B3GLCT: variants seen among roughly 807,000 people sequenced by gnomAD.
B3GLCT encodes the protein beta 3-glucosyltransferase, also known as beta-1,3-glucosyltransferase.
In B3GLCT, 65 loss-of-function variants were observed where a neutral mutation model predicts 63.4. The observed-to-expected ratio is 1.03, with a 90% CI of 0.84 to 1.26. The LOEUF is 1.26. Ranked by LOEUF, B3GLCT falls within the 50% of genes most tolerant of loss-of-function variation. The pLI, the probability that B3GLCT is intolerant of heterozygous loss-of-function variation, is 0.00. For missense variants in B3GLCT, 577 were observed against 604.8 expected, an observed-to-expected ratio of 0.95 and a Z score of 0.48; for synonymous variants, 233 against 219.2, an observed-to-expected ratio of 1.06 and a Z score of -0.55.
intron 4 of B3GLCT, among the ~76,000 whole-genome samples, chr13:31,235,158 A>G (rs1020160231): frequency 6.6e-6 from 1 of 152,064 alleles, no homozygotes; most frequent in Non-Finnish European, 1.5e-5. Flanking sequence ...AATGGCAGGG[A>G]CGCTTCCAGC....
At chr13:31,261,106 C>CG (rs759419599) in intron 7 of B3GLCT, 24 bp downstream of exon 7, 4 of 1,496,302 alleles carry the variant, frequency 2.7e-6, no homozygotes, top group Non-Finnish European at 3.6e-6. Context: ...GGAATTTTTT[C>CG]GGGGGGCGGG....
At chr13:31,280,836 G>A (rs1421578027) in intron 10 of B3GLCT, among the ~76,000 whole-genome samples, 1 of 152,188 alleles carries the variant, frequency 6.6e-6, no homozygotes, top group Non-Finnish European at 1.5e-5. Context: ...GCTCAAGGAA[G>A]TAATACATAT....
chr13:31,229,014 G>A (rs184624741), intron 3 of B3GLCT, among the ~76,000 whole-genome samples, 171 bp from the exon 4 acceptor site: 7 of 152,098 alleles, frequency 4.6e-5, no homozygotes, highest in Admixed American at 3.9e-4. Flanking sequence ...TTGGGAAACA[G>A]TTTAAAAAGA....
chr13:31,294,266 G>A (rs1010396231), intron 12 of B3GLCT, among the ~76,000 whole-genome samples: 2 of 152,114 alleles, frequency 1.3e-5, no homozygotes, highest in Admixed American at 1.3e-4. Context: ...TTCAACCTTG[G>A]TGAATCTGAC....
chr13:31,218,081 G>A (rs547590364), intron 2 of B3GLCT, among the ~76,000 whole-genome samples: 1 of 150,146 alleles, frequency 6.7e-6, no homozygotes, highest in East Asian at 2.0e-4. Flanking sequence ...TTTTCCATTT[G>A]TTTTGTTGTC....
At chr13:31,324,023 G>C (rs1875478776) in intron 14 of B3GLCT, 128 bp downstream of exon 14, 1 of 1,211,620 alleles carries the variant, frequency 8.3e-7, no homozygotes, top group Non-Finnish European at 1.2e-6. Context: ...AGGCTCCAGG[G>C]GAATGTCCTT....
In B3GLCT at chr13:31,295,209, G is replaced by A. The variant is rs114471060; in HGVS notation, c.1064+8390G>A. On this transcript the variant is annotated intron_variant, in intron 12 of 14. Transcript: ENST00000343307. ...GAAGCTTTGTCCCAGACGGGCACGC[G>A]CCAGATGTCAGCTGGAGCTCTGCTG... 6.2e-3 allele frequency among the ~76,000 whole-genome samples: 938 copies of A among 152,226 alleles called. 12 individuals carry two copies. Among genetic ancestry groups the A allele is most frequent in the African/African-American group, 0.022 (894 of 41,548 alleles).
chr13:31,229,889 CTG>C (rs1355210339), intron 4 of B3GLCT, among the ~76,000 whole-genome samples: 2 of 149,996 alleles, frequency 1.3e-5, no homozygotes, highest in African/African-American at 4.9e-5. Flanking sequence ...TGTGGGGCAA[CTG>C]TAGATTTGTC....
At chr13:31,315,001 T>A (rs1338137406) in intron 12 of B3GLCT, among the ~76,000 whole-genome samples, 2 of 152,278 alleles carry the variant, frequency 1.3e-5, no homozygotes, top group Admixed American at 6.5e-5. Flanking sequence ...GCTGCCACCA[T>A]GTAAGAAATG....
At chr13:31,295,156 C>T (rs1405364972) in intron 12 of B3GLCT, among the ~76,000 whole-genome samples, 1 of 152,232 alleles carries the variant, frequency 6.6e-6, no homozygotes, top group Non-Finnish European at 1.5e-5. Flanking sequence ...TGCAGAACAG[C>T]AAAGATTGCT....
intron 1 of B3GLCT, among the ~76,000 whole-genome samples, chr13:31,212,536 G>A (rs1244315784): frequency 1.3e-5 from 2 of 152,094 alleles, no homozygotes; most frequent in East Asian, 3.9e-4. Flanking sequence ...GCCTCCCAAA[G>A]TGCTGGGATT....
intron 4 of B3GLCT, among the ~76,000 whole-genome samples, chr13:31,236,641 G>A (rs745458369): frequency 5.3e-5 from 8 of 152,218 alleles, no homozygotes; most frequent in Non-Finnish European, 1.2e-4. Flanking sequence ...TTGGTCACAA[G>A]ATCCATAGTG....
At chr13:31,223,891 A>T (rs1173731783) in intron 3 of B3GLCT, among the ~76,000 whole-genome samples, 2 of 152,154 alleles carry the variant, frequency 1.3e-5, no homozygotes, top group African/African-American at 2.4e-5. Context: ...CAGTTTCATG[A>T]TGGATAAGCC....
chr13:31,245,057 A>T (rs776073937), intron 4 of B3GLCT, among the ~76,000 whole-genome samples: 1 of 152,180 alleles, frequency 6.6e-6, no homozygotes, highest in African/African-American at 2.4e-5. Context: ...TGATTTACTA[A>T]ACAAATATAA....
Position 31,284,722 on chromosome 13 carries a change from A to C in B3GLCT, c.925A>C (p.Ile309Leu). ...CTATAGTGACTATACTGAAAATTCC[A>C]TTCCTACTGTGGATTTGGGAATTCC... ...EYYSDYTENS[I>L]PTVDLGIPNT... Residue 309 changes from isoleucine (I) to leucine (L), a missense_variant, in exon 11 of 15, where the codon ATT becomes CTT. Physicochemically the swap from Ile to Leu is conservative, Grantham distance 5. Coordinates refer to ENST00000343307, the MANE Select transcript of B3GLCT (RefSeq NM_194318.4). 1 of 1,608,838 alleles carries C rather than the reference A, an allele frequency of 6.2e-7. No homozygotes were observed. Among genetic ancestry groups the C allele is most frequent in the Non-Finnish European group, 8.5e-7 (1 of 1,175,190 alleles).
chr13:31,212,159 A>G (rs2137740339), intron 1 of B3GLCT, among the ~76,000 whole-genome samples: 1 of 150,354 alleles, frequency 6.7e-6, no homozygotes, highest in South Asian at 2.1e-4. Flanking sequence ...GCTGGAATAT[A>G]GTGGCATGAT....
intron 2 of B3GLCT, among the ~76,000 whole-genome samples, chr13:31,219,744 A>G (rs894841905): frequency 6.6e-6 from 1 of 152,218 alleles, no homozygotes; most frequent in African/African-American, 2.4e-5. Flanking sequence ...CGTTTACCTG[A>G]TAAGACAAGA....
chr13:31,295,714 C>T (rs1442984752), intron 12 of B3GLCT, among the ~76,000 whole-genome samples: 1 of 152,168 alleles, frequency 6.6e-6, no homozygotes, highest in African/African-American at 2.4e-5. Context: ...GTGCTGGCAG[C>T]GAGGATTTCC....
chr13:31,231,777 C>T (rs535249964), intron 4 of B3GLCT, among the ~76,000 whole-genome samples: 12 of 152,290 alleles, frequency 7.9e-5, no homozygotes, highest in African/African-American at 2.9e-4. Flanking sequence ...TTCTCCTCTT[C>T]CCCTTAGGAA....
Sources: gnomAD v4.1 joint callset for allele counts (sites outside exome capture counted in the v4.1 genomes callset) on GRCh38, gnomAD v4.1.1 for gene constraint, MANE v1.5 for transcripts, NCBI Gene and HGNC (gene_info 2026-07-23, HGNC 2026-07-21) for gene names.